The following GSTCD variants were observed in gnomAD, a reference collection of about 807,000 sequenced individuals.
GSTCD encodes the protein glutathione S-transferase C-terminal domain-containing protein.
GSTCD carries 44 observed loss-of-function variants against 68.3 expected under a neutral mutation model. The ratio of observed to expected loss-of-function variants is 0.64; its 90% CI spans 0.51 to 0.83. The LOEUF (loss-of-function observed/expected upper bound fraction) is 0.83. GSTCD is among the 40% of genes least tolerant of loss of function. The pLI, the probability that GSTCD is intolerant of heterozygous loss-of-function variation, is 0.00. For missense variants in GSTCD, 739 were observed against 735.9 expected (o/e 1.00, Z -0.05); for synonymous variants, 273 against 255.2 (o/e 1.07, Z -0.67).
At chr4:105,788,232 T>A (rs1735537650) in intron 5 of GSTCD, among the ~76,000 whole-genome samples, 1 of 152,120 alleles carries the variant, frequency 6.6e-6, no homozygotes, top group Non-Finnish European at 1.5e-5. Flanking sequence ...TTTTTAAATA[T>A]TTAGAAGTTA....
At chr4:105,821,280 A>G (rs1723280219) in intron 5 of GSTCD, 2 of 151,940 alleles carry the variant, frequency 1.3e-5, no homozygotes, top group South Asian at 4.1e-4. Context: ...TAAGTTGTTA[A>G]TGGTAGAATC....
chr4:105,831,610 T>C (rs1173490366), intron 8 of GSTCD, among the ~76,000 whole-genome samples: 1 of 152,256 alleles, frequency 6.6e-6, no homozygotes, highest in Admixed American at 6.5e-5. Context: ...TGTTCACATC[T>C]CTTGCTCATT....
intron 5 of GSTCD, among the ~76,000 whole-genome samples, chr4:105,733,340 T>A (rs914354666): frequency 1.3e-5 from 2 of 152,188 alleles, no homozygotes; most frequent in African/African-American, 4.8e-5. Flanking sequence ...TTTGTAGGTC[T>A]CTAAGGACTT....
At chr4:105,811,536 T>G (rs1056276148) in intron 5 of GSTCD, among the ~76,000 whole-genome samples, 119 of 43,288 alleles carry the variant, frequency 2.7e-3, no homozygotes, top group Non-Finnish European at 4.1e-3. Flanking sequence ...TGTTGTGGGG[T>G]GGGGGGAGGG....
At chr4:105,776,672 G>A (rs1171604979) in intron 5 of GSTCD, among the ~76,000 whole-genome samples, 1 of 152,168 alleles carries the variant, frequency 6.6e-6, no homozygotes, top group Non-Finnish European at 1.5e-5. Context: ...TGTACCCACT[G>A]TCTAACCAGT....
intron 5 of GSTCD, among the ~76,000 whole-genome samples, chr4:105,736,827 T>C (rs1477574665): frequency 2.6e-5 from 4 of 152,204 alleles, no homozygotes; most frequent in Non-Finnish European, 5.9e-5. Flanking sequence ...AGTGAGAACA[T>C]GTGATATTTG....
At position 105,758,996 on chromosome 4, in the gene GSTCD, T is replaced by C. The variant is rs535761260; in HGVS notation, c.1240+29497T>C. Among the ~76,000 whole-genome samples the C allele has an allele frequency of 9.2e-5, 14 of 152,352 alleles. No individual in the cohort carries two copies. The East Asian group carries it at 2.7e-3, about 29-fold the overall frequency. ...TGAATGAATTCTTTAACAAAATGAA[T>C]ATATTAATCTTTATTTGCTGAAGGT... On this transcript the variant is annotated intron_variant, in intron 5 of 11. Coordinates refer to ENST00000515279, the MANE Select transcript of GSTCD (RefSeq NM_001370181.1).
At chr4:105,796,567 A>G (rs140010658) in intron 5 of GSTCD, among the ~76,000 whole-genome samples, 1,715 of 152,248 alleles carry the variant, frequency 0.011, 42 homozygotes, top group Non-Finnish European at 0.012. Flanking sequence ...TAGGCAATGT[A>G]TCTTTTTCCT....
At chr4:105,754,547 C>A (rs1487265956) in intron 5 of GSTCD, among the ~76,000 whole-genome samples, 1 of 152,134 alleles carries the variant, frequency 6.6e-6, no homozygotes, top group Admixed American at 6.5e-5. Context: ...AAAATGCAAA[C>A]ATGCTTCCTA....
chr4:105,838,382 T>C (rs1334879312), intron 10 of GSTCD, among the ~76,000 whole-genome samples: 5 of 152,262 alleles, frequency 3.3e-5, no homozygotes, highest in Non-Finnish European at 7.3e-5. Context: ...GAAAATTCTT[T>C]TGTAAAAGGT....
chr4:105,761,391 C>T (rs1422565055), intron 5 of GSTCD: 1 of 152,150 alleles, frequency 6.6e-6, no homozygotes, highest in Non-Finnish European at 1.5e-5. Context: ...TTATCTGGCC[C>T]TATGGACATT....
At chr4:105,842,196 G>A in intron 11 of GSTCD, 62 bp downstream of exon 11, 1 of 1,342,688 alleles carries the variant, frequency 7.4e-7, no homozygotes, top group South Asian at 1.2e-5. Flanking sequence ...GGAATGATTG[G>A]ACCAAGTCTA....
chr4:105,746,752 A>T (rs1329444605), intron 5 of GSTCD, among the ~76,000 whole-genome samples: 1 of 152,226 alleles, frequency 6.6e-6, no homozygotes, highest in African/African-American at 2.4e-5. Flanking sequence ...GATCATTTAT[A>T]TAAATACTCT....
intron 5 of GSTCD, among the ~76,000 whole-genome samples, chr4:105,771,851 A>G (rs1187922478): frequency 6.6e-6 from 1 of 152,114 alleles, no homozygotes; most frequent in Non-Finnish European, 1.5e-5. Flanking sequence ...TTGGCTATAC[A>G]GGCTCTTTTT....
intron 5 of GSTCD, among the ~76,000 whole-genome samples, chr4:105,799,809 C>G (rs74398423): frequency 0.061 from 8,116 of 133,944 alleles, 248 homozygotes; most frequent in Middle Eastern, 0.14. Context: ...CTTAACACAG[C>G]GTTGCAAAAA....
intron 5 of GSTCD, among the ~76,000 whole-genome samples, chr4:105,736,872 T>C (rs895495202): frequency 1.3e-5 from 2 of 152,198 alleles, no homozygotes; most frequent in African/African-American, 4.8e-5. Context: ...TTTAACATAA[T>C]TTCCTCCAAG....
At chr4:105,804,196 A>G (rs943392948) in intron 5 of GSTCD, among the ~76,000 whole-genome samples, 5 of 152,048 alleles carry the variant, frequency 3.3e-5, no homozygotes, top group Non-Finnish European at 5.9e-5. Flanking sequence ...TATTATTACA[A>G]TGTAAAACAT....
intron 5 of GSTCD, among the ~76,000 whole-genome samples, chr4:105,781,426 T>A (rs1343631069): frequency 2.6e-5 from 4 of 151,350 alleles, no homozygotes; most frequent in South Asian, 2.1e-4. Context: ...TTTTTTTTTT[T>A]AAAGTTTTTG....
intron 5 of GSTCD, among the ~76,000 whole-genome samples, chr4:105,762,729 C>T (rs918866045): frequency 6.6e-6 from 1 of 152,158 alleles, no homozygotes; most frequent in African/African-American, 2.4e-5. Context: ...TAAATTGATT[C>T]ATGCTTTTCT....
Sources: gnomAD v4.1 joint callset for allele counts (sites outside exome capture counted in the v4.1 genomes callset) on GRCh38, gnomAD v4.1.1 for gene constraint, MANE v1.5 for transcripts, NCBI Gene and HGNC (gene_info 2026-07-23, HGNC 2026-07-21) for gene names.